CDH18: variants seen among roughly 807,000 people sequenced by gnomAD.
CDH18 encodes the protein cadherin-18.
In CDH18, 31 loss-of-function variants were observed where a neutral mutation model predicts 67.9. The ratio of observed to expected loss-of-function variants is 0.46; its 90% CI spans 0.34 to 0.62. The LOEUF is 0.62. CDH18 is among the 20% of genes least tolerant of loss of function. The pLI is 0.01. For synonymous variants in CDH18, 362 were observed against 347.2 expected, an observed-to-expected ratio of 1.04 and a Z score of -0.48; for missense variants, 890 against 975.5, an observed-to-expected ratio of 0.91 and a Z score of 1.17.
chr5:20,119,550 A>G (rs1401431498), intron 2 of CDH18, among the ~76,000 whole-genome samples: 2 of 152,224 alleles, frequency 1.3e-5, no homozygotes, highest in African/African-American at 4.8e-5. Context: ...GAGAGAAAAT[A>G]TGATAACAGT....
intron 9 of CDH18, among the ~76,000 whole-genome samples, chr5:19,524,382 T>C (rs927978726): frequency 1.3e-5 from 2 of 150,786 alleles, no homozygotes; most frequent in African/African-American, 4.8e-5. Flanking sequence ...TGTTTACTTA[T>C]CATGAAAATG....
intron 2 of CDH18, among the ~76,000 whole-genome samples, chr5:20,182,429 C>G (rs1459854190): frequency 1.3e-5 from 2 of 151,386 alleles, no homozygotes; most frequent in Non-Finnish European, 2.9e-5. Flanking sequence ...ATGGAGAAAC[C>G]CCGTCTCTAC....
chr5:19,891,384 C>A (rs943082161), intron 2 of CDH18, among the ~76,000 whole-genome samples: 2 of 152,098 alleles, frequency 1.3e-5, no homozygotes, highest in Admixed American at 1.3e-4. Context: ...AGAGCATAAT[C>A]CTGAATCCTT....
At chr5:20,542,463 A>G (rs1300393134) in intron 1 of CDH18, among the ~76,000 whole-genome samples, 1 of 151,636 alleles carries the variant, frequency 6.6e-6, no homozygotes, top group Non-Finnish European at 1.5e-5. Flanking sequence ...ACACATACAC[A>G]TATGTATACA....
At chr5:19,638,006 T>A (rs1753413573) in intron 5 of CDH18, among the ~76,000 whole-genome samples, 7 of 152,252 alleles carry the variant, frequency 4.6e-5, no homozygotes, top group Admixed American at 4.6e-4. Flanking sequence ...TATTATTTAT[T>A]GCCCATCTTC....
intron 1 of CDH18, among the ~76,000 whole-genome samples, chr5:20,320,381 C>T (rs547993967): frequency 6.6e-6 from 1 of 152,038 alleles, no homozygotes; most frequent in African/African-American, 2.4e-5. Context: ...TGAGGTGGGT[C>T]AAAGAAAAGT....
chr5:20,136,535 T>C (rs1171252599), intron 2 of CDH18, among the ~76,000 whole-genome samples: 1 of 152,228 alleles, frequency 6.6e-6, no homozygotes, highest in Non-Finnish European at 1.5e-5. Flanking sequence ...GACTTGACTC[T>C]TTATCCAATT....
At position 20,210,440 on chromosome 5, in the gene CDH18, C is replaced by T. The variant is rs570127744; in HGVS notation, c.-518+45004G>A. 4.6e-5 allele frequency among the ~76,000 whole-genome samples: 7 copies of T among 151,918 alleles called. No homozygotes were observed. In the South Asian group the frequency reaches 1.5e-3, roughly 32 times the overall value. ...TTCCTCCATAATTTTCCCATATGTC[C>T]ATAGAGCTTACAAGAATTTTATTTG... is the stretch of plus-strand genomic sequence containing the variant. On this transcript the variant is annotated intron_variant, in intron 2 of 14. Coordinates refer to the CDH18 transcript ENST00000507958.
At chr5:20,137,680 T>C (rs1010206975) in intron 2 of CDH18, among the ~76,000 whole-genome samples, 1 of 152,100 alleles carries the variant, frequency 6.6e-6, no homozygotes, top group Non-Finnish European at 1.5e-5. Flanking sequence ...ATTTTTGGAA[T>C]TTTCAGCTTT....
At chr5:19,550,683 T>C (rs970870885) in intron 8 of CDH18, among the ~76,000 whole-genome samples, 3 of 149,516 alleles carry the variant, frequency 2.0e-5, no homozygotes, top group African/African-American at 7.3e-5. Context: ...TTTGGGTTGG[T>C]TCCAAGTCTT....
chr5:19,809,304 G>T (rs900326007), intron 3 of CDH18, among the ~76,000 whole-genome samples: 18 of 152,034 alleles, frequency 1.2e-4, no homozygotes, highest in African/African-American at 4.1e-4. Context: ...CTAAGTACAC[G>T]CTCTAGGCAC....
chr5:19,758,631 T>C (rs1228079065), intron 3 of CDH18, among the ~76,000 whole-genome samples: 2 of 152,296 alleles, frequency 1.3e-5, no homozygotes, highest in African/African-American at 4.8e-5. Flanking sequence ...ATGTGTTGCC[T>C]CCAAAACCTA....
chr5:20,428,266 G>A (rs186522253), intron 1 of CDH18, among the ~76,000 whole-genome samples: 45 of 148,684 alleles, frequency 3.0e-4, no homozygotes, highest in Non-Finnish European at 1.2e-4. Flanking sequence ...CCCTGAAAAG[G>A]ACATGAACTC....
chr5:19,508,635 A>T (rs1744615495), intron 10 of CDH18, among the ~76,000 whole-genome samples: 1 of 152,094 alleles, frequency 6.6e-6, no homozygotes, highest in East Asian at 1.9e-4. Context: ...ATATCTACAA[A>T]TAGATGTATC....
intron 2 of CDH18, among the ~76,000 whole-genome samples, chr5:20,149,585 C>G (rs1750939291): frequency 6.6e-6 from 1 of 152,142 alleles, no homozygotes; most frequent in Non-Finnish European, 1.5e-5. Flanking sequence ...GGGTTTCCTA[C>G]TGGAACCATT....
intron 5 of CDH18, among the ~76,000 whole-genome samples, chr5:19,631,737 CA>C (rs1752445208): frequency 6.6e-6 from 1 of 152,110 alleles, no homozygotes; most frequent in Non-Finnish European, 1.5e-5. Flanking sequence ...AAGGTAGTAT[CA>C]CATCTTATCC....
intron 2 of CDH18, among the ~76,000 whole-genome samples, chr5:20,090,908 G>A (rs1321920605): frequency 6.6e-6 from 1 of 151,596 alleles, no homozygotes; most frequent in African/African-American, 2.4e-5. Flanking sequence ...AATTAGCCAG[G>A]TGTGGTGATG....
At chr5:20,402,869 C>T (rs113961245) in intron 1 of CDH18, among the ~76,000 whole-genome samples, 247 of 151,988 alleles carry the variant, frequency 1.6e-3, no homozygotes, top group African/African-American at 5.8e-3. Flanking sequence ...GATTGCACCA[C>T]TGCACCCCAG....
chr5:19,742,135 C>A (rs193264755), intron 4 of CDH18, among the ~76,000 whole-genome samples: 1 of 152,050 alleles, frequency 6.6e-6, no homozygotes, highest in African/African-American at 2.4e-5. Flanking sequence ...CAGACTTTGT[C>A]GGCAGATTAT....
Sources: gnomAD v4.1 joint callset for allele counts (sites outside exome capture counted in the v4.1 genomes callset) on GRCh38, gnomAD v4.1.1 for gene constraint, MANE v1.5 for transcripts, NCBI Gene and HGNC (gene_info 2026-07-23, HGNC 2026-07-21) for gene names.